PRELID2: variants seen among roughly 807,000 people sequenced by gnomAD.
PRELID2 encodes the protein PRELI domain containing 2.
In PRELID2, 25 loss-of-function variants were observed where a neutral mutation model predicts 28.4. The ratio of observed to expected loss-of-function variants is 0.88; its 90% CI spans 0.64 to 1.23. The LOEUF is 1.23. Ranked by LOEUF, PRELID2 falls within the 50% of genes most tolerant of loss-of-function variation. The pLI, the probability that PRELID2 is intolerant of heterozygous loss-of-function variation, is 0.00. For missense variants in PRELID2, 201 were observed against 214.4 expected (o/e 0.94, Z 0.39); for synonymous variants, 76 against 71.6 (o/e 1.06, Z -0.31).
chr5:145,658,697 A>G (rs775152893), intron 1 of PRELID2, among the ~76,000 whole-genome samples: 27 of 152,230 alleles, frequency 1.8e-4, no homozygotes, highest in Non-Finnish European at 3.7e-4. Flanking sequence ...CCAGAAGCAG[A>G]GCCAATGCTG....
the PRELID2 span, among the ~76,000 whole-genome samples, chr5:145,421,682 C>T: frequency 7.0e-6 from 1 of 143,354 alleles, no homozygotes; most frequent in African/African-American, 2.6e-5. Flanking sequence ...TTCAAAAAAC[C>T]AGCTCCTGGA....
the PRELID2 span, among the ~76,000 whole-genome samples, chr5:145,309,775 T>C: frequency 6.6e-6 from 1 of 152,164 alleles, no homozygotes; most frequent in South Asian, 2.1e-4. Flanking sequence ...AAGATGAAGT[T>C]GGTGGAGCAA....
At chr5:145,372,621 G>A in the PRELID2 span, among the ~76,000 whole-genome samples, 2 of 151,500 alleles carry the variant, frequency 1.3e-5, no homozygotes, top group Non-Finnish European at 2.9e-5. Flanking sequence ...TGTCTTTCTT[G>A]ATCTTTGTTG....
chr5:145,556,778 G>T (rs1326390014), intron 1 of PRELID2, among the ~76,000 whole-genome samples: 1 of 152,164 alleles, frequency 6.6e-6, no homozygotes, highest in East Asian at 1.9e-4. Flanking sequence ...TCTCCCAGGA[G>T]ATAATACTTC....
chr5:145,320,302 G>A, the PRELID2 span, among the ~76,000 whole-genome samples: 1 of 148,678 alleles, frequency 6.7e-6, no homozygotes, highest in African/African-American at 2.5e-5. Context: ...ACGGAGTCTC[G>A]CTCTGTCGCC....
the PRELID2 span, among the ~76,000 whole-genome samples, chr5:145,401,253 CT>C: frequency 6.6e-6 from 1 of 151,756 alleles, no homozygotes; most frequent in Non-Finnish European, 1.5e-5. Flanking sequence ...ATTTAGACCC[CT>C]AGCCCATTAT....
intron 1 of PRELID2, among the ~76,000 whole-genome samples, chr5:145,597,216 T>C (rs1753321251): frequency 6.6e-6 from 1 of 152,206 alleles, no homozygotes; most frequent in Non-Finnish European, 1.5e-5. Context: ...AGCATGGAAA[T>C]AAATTATCCT....
the PRELID2 span, among the ~76,000 whole-genome samples, chr5:145,410,256 T>C: frequency 1.3e-5 from 2 of 152,126 alleles, no homozygotes; most frequent in Non-Finnish European, 2.9e-5. Context: ...CTTAGGCAAA[T>C]AGTTTATGAC....
chr5:145,605,903 G>T (rs1753497291), intron 1 of PRELID2, among the ~76,000 whole-genome samples: 1 of 151,916 alleles, frequency 6.6e-6, no homozygotes, highest in Non-Finnish European at 1.5e-5. Flanking sequence ...CCATGAGTAT[G>T]GAATGTATTT....
the PRELID2 span, among the ~76,000 whole-genome samples, chr5:145,267,318 A>C: frequency 6.6e-6 from 1 of 152,064 alleles, no homozygotes; most frequent in African/African-American, 2.4e-5. Context: ...ACTGACCCAA[A>C]TGTTAATCTC....
chr5:145,609,533 G>T (rs780834825), intron 1 of PRELID2, among the ~76,000 whole-genome samples: 1 of 152,234 alleles, frequency 6.6e-6, no homozygotes, highest in Admixed American at 6.5e-5. Flanking sequence ...GCCCTAATCC[G>T]CTGTCTGAGT....
At chr5:145,344,957 T>C in the PRELID2 span, among the ~76,000 whole-genome samples, 1 of 152,150 alleles carries the variant, frequency 6.6e-6, no homozygotes, top group African/African-American at 2.4e-5. Flanking sequence ...ATTCCAAATC[T>C]CATTCTCAAG....
At chr5:145,571,869 T>C (rs1384323712) in intron 1 of PRELID2, among the ~76,000 whole-genome samples, 1 of 151,658 alleles carries the variant, frequency 6.6e-6, no homozygotes, top group African/African-American at 2.4e-5. Context: ...TAGTCCCAGC[T>C]ACTCTGGGAG....
intron 4 of PRELID2, among the ~76,000 whole-genome samples, chr5:145,816,529 C>A (rs58913566): frequency 1.2e-4 from 18 of 151,998 alleles, no homozygotes; most frequent in Non-Finnish European, 2.1e-4. Context: ...AAGATTTATA[C>A]CCATGTTTAT....
chr5:145,764,880 C>G, intron 6 of PRELID2, 51 bp downstream of exon 6: 3 of 1,346,456 alleles, frequency 2.2e-6, no homozygotes, highest in Non-Finnish European at 3.2e-6. Context: ...GGCTGATAAG[C>G]ATGAAAATAT....
At chr5:145,521,519 C>T (rs1024013681) in intron 1 of PRELID2, among the ~76,000 whole-genome samples, 2 of 151,884 alleles carry the variant, frequency 1.3e-5, no homozygotes, top group Non-Finnish European at 2.9e-5. Flanking sequence ...TTAAATGAGT[C>T]GTTTTTAAAA....
At chr5:145,279,080 A>G in the PRELID2 span, among the ~76,000 whole-genome samples, 1 of 152,092 alleles carries the variant, frequency 6.6e-6, no homozygotes, top group Non-Finnish European at 1.5e-5. Context: ...CCATAATATA[A>G]ACAAAGAGTT....
At chr5:145,605,637 G>C (rs934199309) in intron 1 of PRELID2, among the ~76,000 whole-genome samples, 10 of 151,960 alleles carry the variant, frequency 6.6e-5, no homozygotes, top group Non-Finnish European at 1.3e-4. Context: ...TTTTGCTTAG[G>C]ATTGCCTTGG....
At chr5:145,687,357 C>T (rs1253062291) in intron 1 of PRELID2, among the ~76,000 whole-genome samples, 1 of 152,160 alleles carries the variant, frequency 6.6e-6, no homozygotes, top group African/African-American at 2.4e-5. Context: ...AAAAGACAAT[C>T]AGACAAACCC....
Sources: gnomAD v4.1 joint callset for allele counts (sites outside exome capture counted in the v4.1 genomes callset) on GRCh38, gnomAD v4.1.1 for gene constraint, MANE v1.5 for transcripts, NCBI Gene and HGNC (gene_info 2026-07-23, HGNC 2026-07-21) for gene names.